RYR2: variants seen among roughly 807,000 people sequenced by gnomAD.
The protein encoded by RYR2 is ryanodine receptor 2.
Under a neutral mutation model 601.1 loss-of-function variants are expected in RYR2, and 227 were observed. The ratio of observed to expected loss-of-function variants is 0.38; its 90% CI spans 0.34 to 0.42. RYR2 has a LOEUF of 0.42. RYR2 is among the 10% of genes least tolerant of loss of function. RYR2 has a pLI of 1.00. For missense variants in RYR2, 4,646 were observed against 6,156.5 expected, an observed-to-expected ratio of 0.75 and a Z score of 8.21; for synonymous variants, 2,223 against 2,175.1, an observed-to-expected ratio of 1.02 and a Z score of -0.61.
chr1:237,589,956 G>T lies in RYR2; in HGVS notation c.3762G>T (p.Arg1254Ser), dbSNP rs1200075909. ...ATATTACCATGTGGCTGAGCAAGAG[G>T]CTTCCTCAGTTTCTTCAAGTTCCAT... is the stretch of plus-strand genomic sequence containing the variant. ...NRDITMWLSKRLPQFLQVPSN... is the reference protein window; with the variant it reads ...NRDITMWLSKSLPQFLQVPSN... The change falls in exon 30 of 105, where the codon AGG (arginine) becomes AGT (serine). Residue 1254 changes from arginine to serine, a missense_variant. Coordinates refer to ENST00000366574, the MANE Select transcript of RYR2 (RefSeq NM_001035.3). 1 of 1,613,858 alleles carries T rather than the reference G, an allele frequency of 6.2e-7. No homozygotes were observed. Among genetic ancestry groups the T allele is most frequent in the Non-Finnish European group, 8.5e-7 (1 of 1,179,856 alleles).
chr1:237,797,129 C>T (rs1228366595), intron 96 of RYR2, among the ~76,000 whole-genome samples: 1 of 151,844 alleles, frequency 6.6e-6, no homozygotes, highest in Non-Finnish European at 1.5e-5. Flanking sequence ...GTATATGAAC[C>T]AGAGGCCAAG....
At chr1:237,498,024 G>A (rs1183704349) in intron 20 of RYR2, among the ~76,000 whole-genome samples, 3 of 151,770 alleles carry the variant, frequency 2.0e-5, no homozygotes, top group East Asian at 1.9e-4. Flanking sequence ...CACCATGCCC[G>A]GCTAATTTTT....
intron 1 of RYR2, among the ~76,000 whole-genome samples, chr1:237,063,185 G>C (rs938965798): frequency 6.6e-6 from 1 of 152,164 alleles, no homozygotes; most frequent in African/African-American, 2.4e-5. Flanking sequence ...CTGCAACCCA[G>C]AAGAGGGCCT....
At chr1:237,095,276 G>GGTACCGTACA (rs1159087111) in intron 1 of RYR2, among the ~76,000 whole-genome samples, 3 of 152,022 alleles carry the variant, frequency 2.0e-5, no homozygotes, top group African/African-American at 4.8e-5. Context: ...TCTAGGGTTG[G>GGTACCGTACA]GTACCGTACA....
chr1:237,274,113 TATG>T (rs934626365), intron 2 of RYR2, among the ~76,000 whole-genome samples: 2 of 147,274 alleles, frequency 1.4e-5, no homozygotes, highest in African/African-American at 5.0e-5. Context: ...TGTAGATATA[TATG>T]ATATGTAGGT....
chr1:237,246,009 T>C (rs1168150846), intron 1 of RYR2, among the ~76,000 whole-genome samples: 1 of 152,224 alleles, frequency 6.6e-6, no homozygotes, highest in Non-Finnish European at 1.5e-5. Flanking sequence ...CTCGAACTCC[T>C]GACCTTGTGA....
intron 71 of RYR2, among the ~76,000 whole-genome samples, chr1:237,714,859 T>C (rs951235800): frequency 6.6e-6 from 1 of 150,684 alleles, no homozygotes; most frequent in African/African-American, 2.4e-5. Flanking sequence ...CCAGGCGTGG[T>C]GGTGGGTGCC....
intron 80 of RYR2, 53 bp downstream of exon 80, chr1:237,742,402 C>CAAG: frequency 2.5e-6 from 3 of 1,223,498 alleles, no homozygotes; most frequent in Non-Finnish European, 3.5e-6. Context: ...AACATTGTTT[C>CAAG]ATAGCTTATA....
chr1:237,713,741 A>T (rs1689032265), intron 71 of RYR2, among the ~76,000 whole-genome samples: 1 of 152,148 alleles, frequency 6.6e-6, no homozygotes, highest in Non-Finnish European at 1.5e-5. Context: ...AGATAGGTAG[A>T]TAGCATTTAT....
intron 2 of RYR2, among the ~76,000 whole-genome samples, chr1:237,301,481 T>C (rs1319691170): frequency 6.6e-6 from 1 of 152,172 alleles, no homozygotes; most frequent in Non-Finnish European, 1.5e-5. Flanking sequence ...TTGCAAACCT[T>C]CCAAGCACTG....
intron 80 of RYR2, among the ~76,000 whole-genome samples, chr1:237,743,106 G>T (rs1558326251): frequency 6.6e-6 from 1 of 151,988 alleles, no homozygotes; most frequent in African/African-American, 2.4e-5. Context: ...GAAATTAAGT[G>T]CAGGGAAATA....
intron 23 of RYR2, among the ~76,000 whole-genome samples, chr1:237,509,615 G>A (rs146414469): frequency 1.2e-4 from 18 of 152,264 alleles, no homozygotes; most frequent in African/African-American, 4.3e-4. Flanking sequence ...TATTTGCCTG[G>A]TGTGTTTAGT....
intron 10 of RYR2, among the ~76,000 whole-genome samples, chr1:237,391,202 G>A (rs540622586): frequency 1.3e-5 from 2 of 152,090 alleles, no homozygotes; most frequent in Admixed American, 6.5e-5. Context: ...AGGAACTTGG[G>A]GGAGGCAAAG....
chr1:237,222,242 A>G (rs1237121862), intron 1 of RYR2, among the ~76,000 whole-genome samples: 4 of 152,038 alleles, frequency 2.6e-5, no homozygotes, highest in Non-Finnish European at 4.4e-5. Context: ...GTGAAACCCC[A>G]TCTCTACTAA....
intron 1 of RYR2, among the ~76,000 whole-genome samples, chr1:237,112,820 A>G (rs1477046635): frequency 6.6e-6 from 1 of 151,994 alleles, no homozygotes; most frequent in South Asian, 2.1e-4. Context: ...TCTGGCTCCT[A>G]TTTGGTTTAT....
intron 84 of RYR2, 94 bp from the exon 85 acceptor site, chr1:237,770,713 T>A: frequency 1.3e-6 from 1 of 773,206 alleles, no homozygotes; most frequent in Non-Finnish European, 2.2e-6. Context: ...AGAACAATGC[T>A]AGATCAACAT....
chr1:237,831,544 T>C lies in RYR2; in HGVS notation c.14787T>C (p.Asp4929=). Residue 4929 remains aspartate (D), a synonymous_variant, in exon 104 of 105, where the codon GAT becomes GAC. Transcript: ENST00000366574. The part of the protein sequence containing the change: ...LFFLMYLINK[D]ETEHTGQESY... ...TTCTGATGTATCTTATAAACAAAGA[T>C]GAAACAGAACACACAGGACAGGTAG... The C allele has an allele frequency of 6.4e-7, 1 of 1,572,580 alleles. No individual in the cohort carries two copies. Among genetic ancestry groups the C allele is most frequent in the Non-Finnish European group, 8.7e-7 (1 of 1,145,438 alleles).
At chr1:237,516,173 C>T (rs959214312) in intron 24 of RYR2, among the ~76,000 whole-genome samples, 6 of 152,074 alleles carry the variant, frequency 3.9e-5, no homozygotes, top group East Asian at 1.9e-4. Flanking sequence ...TGCAGTTACG[C>T]GATCTCAGCT....
At chr1:237,602,239 A>G in intron 35 of RYR2, 128 bp downstream of exon 35, 2 of 647,382 alleles carry the variant, frequency 3.1e-6, no homozygotes, top group Non-Finnish European at 2.5e-6. Flanking sequence ...TCAAGAAAAG[A>G]TAGCCATGCT....
Sources: allele counts gnomAD v4.1 joint callset (sites outside exome capture counted in the v4.1 genomes callset), GRCh38; gene constraint gnomAD v4.1.1; transcripts MANE v1.5; gene names NCBI Gene and HGNC (gene_info 2026-07-23, HGNC 2026-07-21).